Variants in FBXL13 observed in about 807,000 individuals in gnomAD.
FBXL13 encodes the protein F-box and leucine-rich repeat protein 13.
Under a neutral mutation model 83.6 loss-of-function variants are expected in FBXL13, and 67 were observed. The observed-to-expected ratio is 0.80, with a 90% CI of 0.66 to 0.98. FBXL13 has a LOEUF of 0.98. Among genes scored for constraint, FBXL13 ranks in the 50% least tolerant of loss-of-function variants. The pLI, the probability that FBXL13 is intolerant of heterozygous loss-of-function variation, is 0.00. For missense variants in FBXL13, 822 were observed against 866.5 expected, an observed-to-expected ratio of 0.95 and a Z score of 0.64; for synonymous variants, 272 against 299.5, an observed-to-expected ratio of 0.91 and a Z score of 0.95.
At chr7:102,920,923 G>C (rs991765966) in intron 10 of FBXL13, among the ~76,000 whole-genome samples, 2 of 152,148 alleles carry the variant, frequency 1.3e-5, no homozygotes, top group African/African-American at 4.8e-5. Flanking sequence ...GGAGGCCGAG[G>C]TGGGCGGATC....
intron 17 of FBXL13, among the ~76,000 whole-genome samples, chr7:102,851,517 T>C (rs577194158): frequency 9.5e-4 from 134 of 140,754 alleles, no homozygotes; most frequent in African/African-American, 3.3e-3. Flanking sequence ...TCTTTTCTTC[T>C]TCCTCCTCCT....
At chr7:102,893,392 G>A (rs971167616) in intron 11 of FBXL13, among the ~76,000 whole-genome samples, 3 of 147,212 alleles carry the variant, frequency 2.0e-5, no homozygotes, top group Non-Finnish European at 4.6e-5. Context: ...TGAAGGAATC[G>A]AGGCAGAAAA....
At chr7:103,059,090 T>C (rs548081857) in intron 1 of FBXL13, among the ~76,000 whole-genome samples, 6 of 152,036 alleles carry the variant, frequency 3.9e-5, no homozygotes, top group Non-Finnish European at 8.8e-5. Context: ...TGAGACCCCA[T>C]CTCTAAAAAA....
chr7:102,867,348 ACT>A (rs1370850159), intron 16 of FBXL13, among the ~76,000 whole-genome samples: 3 of 151,562 alleles, frequency 2.0e-5, no homozygotes, highest in Non-Finnish European at 2.9e-5. Context: ...ACACAGAAAG[ACT>A]CTGTATCCAA....
chr7:103,054,989 C>A, intron 2 of FBXL13, 99 bp downstream of exon 3: 1 of 662,492 alleles, frequency 1.5e-6, no homozygotes, highest in Non-Finnish European at 2.2e-6. Context: ...ACAACAAAAA[C>A]AGTCTGACCT....
chr7:102,872,459 A>G (rs1194516571), intron 16 of FBXL13, among the ~76,000 whole-genome samples: 1 of 152,172 alleles, frequency 6.6e-6, no homozygotes, highest in Non-Finnish European at 1.5e-5. Flanking sequence ...CATAATAAAA[A>G]ATTCTGAAAA....
rs114055867 is a variant in FBXL13, at chr7:103,061,334, A to G, written c.-104-5587T>C. 4.9e-3 allele frequency among the ~76,000 whole-genome samples: 749 copies of G among 152,350 alleles called. 9 individuals carry two copies. Among genetic ancestry groups the G allele is most frequent in the African/African-American group, 0.017 (692 of 41,570 alleles). ...ACTGGGCCTGTCCCAGAGGGGAAGC[A>G]GTCCCAGCCGTCTCATCCCCTCTAA... On this transcript the variant is annotated intron_variant, in intron 1 of 19. Transcript: ENST00000313221.
chr7:102,972,436 TACA>T (rs1337427167), intron 6 of FBXL13, among the ~76,000 whole-genome samples: 5 of 152,190 alleles, frequency 3.3e-5, no homozygotes, highest in Non-Finnish European at 7.4e-5. Flanking sequence ...GGTTATCTTC[TACA>T]ACATGTTAAA....
rs115005648 is a variant in FBXL13, at chr7:102,901,103, C to T, written c.1008+11983G>A. On this transcript the variant is annotated intron_variant, in intron 11 of 19. Coordinates refer to ENST00000313221, the Ensembl canonical transcript of FBXL13. ...TCTCGAGGGAGGGAGGCTGACTTAGCTCCAGCCCATTGTGGCCATATGGAA... is the reference window on the plus strand; with the variant it reads ...TCTCGAGGGAGGGAGGCTGACTTAGTTCCAGCCCATTGTGGCCATATGGAA... Among the ~76,000 whole-genome samples the T allele has an allele frequency of 3.7e-3, 568 of 152,288 alleles. 4 individuals are homozygous for T. The highest frequency in any genetic ancestry group is 0.013 in the African/African-American group (561 of 41,568).
At chr7:102,863,592 T>C (rs1807194864) in intron 16 of FBXL13, among the ~76,000 whole-genome samples, 1 of 152,154 alleles carries the variant, frequency 6.6e-6, no homozygotes, top group Non-Finnish European at 1.5e-5. Context: ...TGAATTCCTA[T>C]GATTCCAGAT....
In FBXL13 at chr7:102,864,560, G is replaced by T. The variant is rs543696569; in HGVS notation, c.1636-9700C>A. Among the ~76,000 whole-genome samples the T allele has an allele frequency of 2.6e-5, 4 of 152,178 alleles. No individual in the cohort carries two copies. The East Asian group carries it at 7.7e-4, about 29-fold the overall frequency. On this transcript the variant is annotated intron_variant, in intron 16 of 19. Coordinates refer to ENST00000313221, the Ensembl canonical transcript of FBXL13. ...ATTTTTGTATTTTTAGTAGAGATGG[G>T]CTTTCACCATGCTGGCTAGGCTGGT...
chr7:102,893,779 A>G (rs1020761621), intron 11 of FBXL13, among the ~76,000 whole-genome samples: 17 of 150,288 alleles, frequency 1.1e-4, no homozygotes, highest in Non-Finnish European at 2.2e-4. Flanking sequence ...AAAAAAAAAA[A>G]AAAAAGAAAG....
intron 17 of FBXL13, among the ~76,000 whole-genome samples, chr7:102,844,900 C>T (rs1272552813): frequency 1.3e-5 from 2 of 152,162 alleles, no homozygotes; most frequent in Non-Finnish European, 2.9e-5. Context: ...TTCAGGGAAA[C>T]ATGTTTACCA....
intron 17 of FBXL13, among the ~76,000 whole-genome samples, chr7:102,839,619 T>C (rs1236232456): frequency 6.6e-6 from 1 of 152,128 alleles, no homozygotes; most frequent in Non-Finnish European, 1.5e-5. Flanking sequence ...AGCTAATTTT[T>C]GTATTTTTAA....
intron 2 of FBXL13, among the ~76,000 whole-genome samples, chr7:103,033,870 G>A (rs1360211880): frequency 6.6e-6 from 1 of 152,194 alleles, no homozygotes; most frequent in African/African-American, 2.4e-5. Context: ...GAGCCAAGTG[G>A]TCTGTTTTGA....
chr7:103,051,671 T>G (rs1320740570), intron 2 of FBXL13, among the ~76,000 whole-genome samples: 1 of 152,186 alleles, frequency 6.6e-6, no homozygotes, highest in Non-Finnish European at 1.5e-5. Flanking sequence ...ATGAACAATT[T>G]GCAAGTCAGG....
At chr7:102,820,641 C>G (rs1798673657) in intron 19 of FBXL13, among the ~76,000 whole-genome samples, 1 of 152,132 alleles carries the variant, frequency 6.6e-6, no homozygotes, top group Non-Finnish European at 1.5e-5. Context: ...CTACTACAGA[C>G]TGGGTAATTT....
intron 11 of FBXL13, among the ~76,000 whole-genome samples, chr7:102,901,877 C>T (rs1442912573): frequency 1.3e-5 from 2 of 152,176 alleles, no homozygotes; most frequent in African/African-American, 4.8e-5. Flanking sequence ...CTGTTGTGAA[C>T]AGTGCTGCAA....
intron 16 of FBXL13, among the ~76,000 whole-genome samples, chr7:102,873,482 T>C (rs1808802277): frequency 6.6e-6 from 1 of 152,216 alleles, no homozygotes; most frequent in Non-Finnish European, 1.5e-5. Context: ...GCTACATGCT[T>C]ACTGCCCTCT....
Sources: allele counts gnomAD v4.1 joint callset (sites outside exome capture counted in the v4.1 genomes callset), GRCh38; gene constraint gnomAD v4.1.1; transcripts MANE v1.5; gene names NCBI Gene and HGNC (gene_info 2026-07-23, HGNC 2026-07-21).